The following SSH1 variants were observed in gnomAD, a reference collection of about 807,000 sequenced individuals.
SSH1 encodes slingshot protein phosphatase 1, also known as protein phosphatase Slingshot homolog 1.
In SSH1, 43 loss-of-function variants were observed where a neutral mutation model predicts 79.7. The observed-to-expected ratio is 0.54, with a 90% CI of 0.42 to 0.70. The LOEUF (loss-of-function observed/expected upper bound fraction) is 0.70. SSH1 is among the 30% of genes least tolerant of loss of function. SSH1 has a pLI of 0.00. For synonymous variants in SSH1, 599 were observed against 538.3 expected (o/e 1.11, Z -1.56); for missense variants, 1,206 against 1,358.8 (o/e 0.89, Z 1.77).
Position 108,852,639 on chromosome 12 carries a change from T to G in SSH1, c.109A>C (p.Ser37Arg). ...AACAAGAATTGAAAGTCTGCTTACCTGAGGTTTAATTTTCGATCTTCTTCG... is the reference window on the plus strand; with the variant it reads ...AACAAGAATTGAAAGTCTGCTTACCGGAGGTTTAATTTTCGATCTTCTTCG... Reference protein sequence around the residue: ...GSEEDRKLNLSLSESFFMVKG... With the variant: ...GSEEDRKLNLRLSESFFMVKG... The change falls in exon 2 of 15, where the codon AGC (serine) becomes CGC (arginine). Residue 37 changes from serine (S) to arginine (R), a missense_variant and splice_region_variant. Physicochemically the swap from Ser to Arg is moderately radical, Grantham distance 110. Transcript: ENST00000326495. 6.2e-7 allele frequency: 1 copy of G among 1,614,172 alleles called. No individual in the cohort carries two copies. The highest frequency in any genetic ancestry group is 2.2e-5 in the East Asian group (1 of 44,888).
chr12:108,852,750 T>C (rs567947033), intron 1 of SSH1, 72 bp from the exon 2 acceptor site: 1 of 1,611,074 alleles, frequency 6.2e-7, no homozygotes, highest in Admixed American at 1.7e-5. Flanking sequence ...AGTCTCACAT[T>C]TTCTACCCCG....
intron 2 of SSH1, among the ~76,000 whole-genome samples, chr12:108,851,490 T>G (rs2039038785): frequency 6.6e-6 from 1 of 152,184 alleles, no homozygotes; most frequent in Admixed American, 6.5e-5. Flanking sequence ...TGAAAATTTA[T>G]TTACTTTTTT....
At chr12:108,852,279 A>C (rs965466955) in intron 2 of SSH1, among the ~76,000 whole-genome samples, 1 of 148,446 alleles carries the variant, frequency 6.7e-6, no homozygotes, top group African/African-American at 2.5e-5. Context: ...CTCTGTCGCC[A>C]GGCTGGAGTG....
Position 108,802,359 on chromosome 12 carries a change from A to G in SSH1, c.964T>C (p.Trp322Arg). 1 of 1,614,136 alleles carries G rather than the reference A, an allele frequency of 6.2e-7. No homozygotes were observed. The highest frequency in any genetic ancestry group is 1.1e-5 in the South Asian group (1 of 91,082). The change falls in exon 11 of 15, where the codon TGG (tryptophan) becomes CGG (arginine). Residue 322 changes from tryptophan (W) to arginine (R), a missense_variant. This residue lies in a region of SSH1 where 166 missense variants were observed against 262.9 expected (regional missense o/e 0.63). Transcript: ENST00000326495. ...AGTTCCTCCAGATTGGATGCATTCCATTCAGAGCCCTGGGAGACAGATCAC... is the reference window on the plus strand; with the variant it reads ...AGTTCCTCCAGATTGGATGCATTCCGTTCAGAGCCCTGGGAGACAGATCAC... ...IFDHLYLGSE[W>R]NASNLEELQG...
chr12:108,800,209 A>T (rs1347430972), intron 12 of SSH1, among the ~76,000 whole-genome samples: 1 of 152,158 alleles, frequency 6.6e-6, no homozygotes, highest in Non-Finnish European at 1.5e-5. Flanking sequence ...GCTGTTTCGC[A>T]GGGGAATAAA....
intron 2 of SSH1, among the ~76,000 whole-genome samples, chr12:108,847,598 C>T (rs1168853822): frequency 1.3e-5 from 2 of 152,140 alleles, no homozygotes; most frequent in African/African-American, 2.4e-5. Context: ...GCTGGGATTA[C>T]AGGAGCGCAC....
Position 108,799,340 on chromosome 12 carries a change from C to T in SSH1, c.1149-140G>A, listed in dbSNP as rs535610978. The T allele has an allele frequency of 2.0e-4, 139 of 690,058 alleles. 1 individual carries two copies. The African/African-American group carries it at 2.4e-3, about 12-fold the overall frequency. The allele number at this position is 690,058 out of a possible 1,614,324, so 42.7% of individuals were successfully genotyped here. On this transcript the variant is annotated intron_variant, in intron 12 of 14. Coordinates refer to ENST00000326495, the MANE Select transcript of SSH1 (RefSeq NM_018984.4). ...CCTGTAGATATCTTACTGCCGAAATCCTCCTACGTCTTAATGTTTACGGAG... is the reference window on the plus strand; with the variant it reads ...CCTGTAGATATCTTACTGCCGAAATTCTCCTACGTCTTAATGTTTACGGAG...
At chr12:108,854,130 C>T (rs890461274) in intron 1 of SSH1, among the ~76,000 whole-genome samples, 30 of 152,154 alleles carry the variant, frequency 2.0e-4, no homozygotes, top group Non-Finnish European at 1.5e-5. Context: ...GTTCTCAATG[C>T]GGAGCAAGTT....
At chr12:108,805,517 T>C (rs1166966061) in intron 9 of SSH1, among the ~76,000 whole-genome samples, 1 of 152,190 alleles carries the variant, frequency 6.6e-6, no homozygotes, top group Non-Finnish European at 1.5e-5. Flanking sequence ...CAGTTCTATC[T>C]TTCTTGGAAA....
chr12:108,853,861 T>G (rs1432566423), intron 1 of SSH1, among the ~76,000 whole-genome samples: 3 of 150,296 alleles, frequency 2.0e-5, no homozygotes, highest in Admixed American at 6.6e-5. Flanking sequence ...GAGGCGGAGG[T>G]TGCAGTGAGC....
At chr12:108,848,806 C>A (rs1419356095) in intron 2 of SSH1, among the ~76,000 whole-genome samples, 1 of 152,044 alleles carries the variant, frequency 6.6e-6, no homozygotes, top group Non-Finnish European at 1.5e-5. Flanking sequence ...GTCTCCAACT[C>A]CAGCCCAGGG....
At chr12:108,793,261 C>T (rs181651305) in intron 13 of SSH1, among the ~76,000 whole-genome samples, 81 of 152,178 alleles carry the variant, frequency 5.3e-4, no homozygotes, top group African/African-American at 1.7e-3. Flanking sequence ...GATCTATACA[C>T]GATAATACAA....
intron 14 of SSH1, 159 bp downstream of exon 14, chr12:108,792,127 C>G (rs183779545): frequency 1.3e-6 from 2 of 1,494,540 alleles, no homozygotes; most frequent in Non-Finnish European, 1.8e-6. Context: ...CCTCAGGTCC[C>G]TGGAGATGGG....
intron 2 of SSH1, among the ~76,000 whole-genome samples, chr12:108,837,658 G>GT (rs1463228885): frequency 1.3e-5 from 2 of 152,214 alleles, no homozygotes; most frequent in Non-Finnish European, 2.9e-5. Context: ...TGGAAAACAT[G>GT]TAAGTATTTG....
chr12:108,848,445 T>G (rs182170156), intron 2 of SSH1, among the ~76,000 whole-genome samples: 2 of 152,218 alleles, frequency 1.3e-5, no homozygotes, highest in East Asian at 3.9e-4. Flanking sequence ...CTCCTAGAGA[T>G]GAGGTGATGG....
intron 1 of SSH1, among the ~76,000 whole-genome samples, chr12:108,854,560 G>A (rs140951973): frequency 3.3e-4 from 50 of 152,262 alleles, no homozygotes; most frequent in African/African-American, 1.1e-3. Flanking sequence ...CGTTTCCCAC[G>A]CCGGCAGCAG....
intron 2 of SSH1, among the ~76,000 whole-genome samples, chr12:108,825,651 C>T (rs1245267044): frequency 6.6e-6 from 1 of 152,220 alleles, no homozygotes; most frequent in African/African-American, 2.4e-5. Flanking sequence ...ACTGCAGATG[C>T]ACTGCCGAGT....
intron 5 of SSH1, chr12:108,811,644 G>C (rs1430814316): frequency 2.4e-5 from 10 of 424,838 alleles, no homozygotes; most frequent in Non-Finnish European, 4.4e-5. Flanking sequence ...GGGGTACATA[G>C]GCAAGCACCG....
chr12:108,790,140 G>A (rs571374033), intron 14 of SSH1, among the ~76,000 whole-genome samples: 11 of 148,246 alleles, frequency 7.4e-5, no homozygotes, highest in South Asian at 2.2e-4. Flanking sequence ...TAAAGGCCCC[G>A]CCATGGCTTC....
Sources: gnomAD v4.1 joint callset for allele counts (sites outside exome capture counted in the v4.1 genomes callset) on GRCh38, gnomAD v4.1.1 for gene constraint, gnomAD v4.1.1 regional missense constraint, MANE v1.5 for transcripts, NCBI Gene and HGNC (gene_info 2026-07-23, HGNC 2026-07-21) for gene names.